The following KANSL1 variants were observed in gnomAD, a reference collection of about 807,000 sequenced individuals.
KANSL1 encodes the protein MLL1/MLL complex subunit KANSL1.
Under a neutral mutation model 103.6 loss-of-function variants are expected in KANSL1, and 22 were observed. The ratio of observed to expected loss-of-function variants is 0.21; its 90% confidence interval spans 0.15 to 0.30. The LOEUF (loss-of-function observed/expected upper bound fraction) is 0.30. KANSL1 is among the 10% of genes least tolerant of loss of function. The pLI is 1.00. For missense variants in KANSL1, 1,337 were observed against 1,399.8 expected (o/e 0.96, Z 0.72); for synonymous variants, 600 against 527.6 (o/e 1.14, Z -1.88).
intron 2 of KANSL1, among the ~76,000 whole-genome samples, chr17:46,113,476 T>C (rs1423912647): frequency 6.6e-6 from 1 of 152,220 alleles, no homozygotes; most frequent in Non-Finnish European, 1.5e-5. Flanking sequence ...GTGGGGAAAG[T>C]AATTTTTGTT....
chr17:46,151,967 T>A (rs1393655501), intron 2 of KANSL1, among the ~76,000 whole-genome samples: 1 of 152,222 alleles, frequency 6.6e-6, no homozygotes, highest in Non-Finnish European at 1.5e-5. Flanking sequence ...GATGCTTGGA[T>A]CCCATCCCAG....
At chr17:46,137,115 C>T (rs560857002) in intron 2 of KANSL1, among the ~76,000 whole-genome samples, 1 of 152,312 alleles carries the variant, frequency 6.6e-6, no homozygotes, top group Admixed American at 6.5e-5. Flanking sequence ...AATCCTTCCC[C>T]CCAAAATTGT....
intron 1 of KANSL1, among the ~76,000 whole-genome samples, chr17:46,209,312 T>C (rs1035834425): frequency 6.6e-6 from 1 of 152,242 alleles, no homozygotes; most frequent in African/African-American, 2.4e-5. Flanking sequence ...TGATATTATA[T>C]AATTCTTATT....
chr17:46,096,318 T>TTTTTTTTTTTTTTTTTTTTG (rs2042078516), intron 2 of KANSL1, among the ~76,000 whole-genome samples: 1 of 134,486 alleles, frequency 7.4e-6, no homozygotes, highest in Non-Finnish European at 1.6e-5. Context: ...TTTCTTTTTT[T>TTTTTTTTTTTTTTTTTTTTG]TTTTTTTTTT....
At chr17:46,077,939 TTTTC>T (rs1476254194) in intron 4 of KANSL1, among the ~76,000 whole-genome samples, 1 of 152,192 alleles carries the variant, frequency 6.6e-6, no homozygotes, top group Non-Finnish European at 1.5e-5. Context: ...CCATCTTTTT[TTTTC>T]TTTTTCCTCA....
At chr17:46,219,341 TAAGAAC>T (rs1439955781) in intron 1 of KANSL1, among the ~76,000 whole-genome samples, 4 of 152,102 alleles carry the variant, frequency 2.6e-5, no homozygotes, top group Admixed American at 1.3e-4. Context: ...ACTAAAACTT[TAAGAAC>T]AAGTTAATTT....
chr17:46,186,276 G>T (rs962731262), intron 1 of KANSL1, among the ~76,000 whole-genome samples: 9 of 151,678 alleles, frequency 5.9e-5, no homozygotes, highest in African/African-American at 2.2e-4. Flanking sequence ...CCAGCTACTC[G>T]GGAGGCTGAG....
At chr17:46,117,594 A>G (rs1272833855) in intron 2 of KANSL1, among the ~76,000 whole-genome samples, 1 of 150,844 alleles carries the variant, frequency 6.6e-6, no homozygotes, top group African/African-American at 2.5e-5. Context: ...CTCGCAAAGC[A>G]GCCAAAGATT....
chr17:46,039,457 A>C, intron 8 of KANSL1: 1 of 606,436 alleles, frequency 1.6e-6, no homozygotes, highest in Non-Finnish European at 2.8e-6. Flanking sequence ...ACTCAATGCC[A>C]TGCCATTGCT....
chr17:46,219,250 T>TA (rs66536813), intron 1 of KANSL1, among the ~76,000 whole-genome samples: 141 of 135,270 alleles, frequency 1.0e-3, no homozygotes, highest in African/African-American at 1.6e-3. Context: ...TCTTGTCTCA[T>TA]AAAAAAAAAA....
chr17:46,183,648 G>A lies in KANSL1; in HGVS notation c.-90+9175C>T, dbSNP rs548756736. ...AAGGAGGGAAAGAAGGAAGGAGGGA[G>A]GGAAGGAAGGGAAGGAGTAGGGCCG... On this transcript the variant is annotated intron_variant, in intron 1 of 14. Coordinates refer to ENST00000432791, the MANE Select transcript of KANSL1 (RefSeq NM_015443.4). Among the ~76,000 whole-genome samples, 5 of 150,312 alleles carry A rather than the reference G, an allele frequency of 3.3e-5. No homozygotes were observed. The Admixed American group carries it at 3.3e-4, about 10-fold the overall frequency.
chr17:46,188,311 G>C (rs921592573), intron 1 of KANSL1, among the ~76,000 whole-genome samples: 7 of 152,202 alleles, frequency 4.6e-5, no homozygotes, highest in Admixed American at 2.0e-4. Context: ...CACATTTCAG[G>C]GAATGGGAAG....
intron 2 of KANSL1, among the ~76,000 whole-genome samples, chr17:46,143,922 G>C (rs2147395945): frequency 6.6e-6 from 1 of 152,200 alleles, no homozygotes; most frequent in South Asian, 2.1e-4. Context: ...TAAAATTATG[G>C]AGCTAGAACT....
chr17:46,097,189 G>A (rs1214619011), intron 2 of KANSL1, among the ~76,000 whole-genome samples: 1 of 152,140 alleles, frequency 6.6e-6, no homozygotes, highest in African/African-American at 2.4e-5. Context: ...TAGTTCTATA[G>A]TAATAAAAAT....
At chr17:46,191,257 T>C (rs1367396759) in intron 1 of KANSL1, among the ~76,000 whole-genome samples, 6 of 152,234 alleles carry the variant, frequency 3.9e-5, no homozygotes, top group Admixed American at 3.3e-4. Flanking sequence ...TGCTAATAAA[T>C]ACACTTAGCA....
At chr17:46,135,809 G>C (rs1205305140) in intron 2 of KANSL1, among the ~76,000 whole-genome samples, 1 of 150,676 alleles carries the variant, frequency 6.6e-6, no homozygotes, top group African/African-American at 2.5e-5. Context: ...TGGATTATAG[G>C]TGTGAGCCAC....
chr17:46,189,155 A>T (rs955316815), intron 1 of KANSL1, among the ~76,000 whole-genome samples: 6 of 151,656 alleles, frequency 4.0e-5, no homozygotes, highest in African/African-American at 1.5e-4. Flanking sequence ...CAGGCACTCT[A>T]AACTGTAGCG....
rs954350516 is a variant in KANSL1, at chr17:46,187,035, G to A, written c.-90+5788C>T. Among the ~76,000 whole-genome samples the A allele has an allele frequency of 3.9e-5, 6 of 152,120 alleles. 1 individual carries two copies. The highest frequency in any genetic ancestry group is 2.0e-4 in the Admixed American group (3 of 15,272). ...GCATGAGCCACCACACCCAGCCCAG[G>A]CTGGTATTTCTATGAAGTGTCTCTC... On this transcript the variant is annotated intron_variant, in intron 1 of 14. Coordinates refer to ENST00000432791, the MANE Select transcript of KANSL1 (RefSeq NM_015443.4).
chr17:46,119,268 A>G (rs1368640457), intron 2 of KANSL1, among the ~76,000 whole-genome samples: 2 of 152,114 alleles, frequency 1.3e-5, no homozygotes, highest in African/African-American at 4.8e-5. Context: ...AAGCACAGGT[A>G]AAATCTACAT....
Sources: allele counts gnomAD v4.1 joint callset (sites outside exome capture counted in the v4.1 genomes callset), GRCh38; gene constraint gnomAD v4.1.1; transcripts MANE v1.5; gene names NCBI Gene and HGNC (gene_info 2026-07-23, HGNC 2026-07-21).